The following CNTN5 variants were observed in gnomAD, a reference collection of about 807,000 sequenced individuals.
The protein encoded by CNTN5 is contactin-5.
In CNTN5, 77 loss-of-function variants were observed where a neutral mutation model predicts 129.1. The observed-to-expected ratio is 0.60, with a 90% CI of 0.50 to 0.72. The LOEUF is 0.72. Among genes scored for constraint, CNTN5 ranks in the 30% least tolerant of loss-of-function variants. CNTN5 has a pLI of 0.00. For synonymous variants in CNTN5, 509 were observed against 465.6 expected (o/e 1.09, Z -1.20); for missense variants, 1,478 against 1,328.8 (o/e 1.11, Z -1.75).
chr11:99,703,388 A>G (rs954340674), intron 3 of CNTN5, among the ~76,000 whole-genome samples: 1 of 150,634 alleles, frequency 6.6e-6, no homozygotes, highest in Non-Finnish European at 1.5e-5. Flanking sequence ...TTCCTGTCAA[A>G]TGATCTTTAT....
At chr11:99,887,780 C>T (rs1398002286) in intron 6 of CNTN5, among the ~76,000 whole-genome samples, 4 of 152,212 alleles carry the variant, frequency 2.6e-5, no homozygotes, top group Non-Finnish European at 5.9e-5. Flanking sequence ...AAAGATGAAA[C>T]TGAAAGACTA....
chr11:100,161,245 TA>T (rs973775409), intron 13 of CNTN5, among the ~76,000 whole-genome samples: 9 of 151,912 alleles, frequency 5.9e-5, no homozygotes, highest in African/African-American at 2.2e-4. Context: ...TGGTATTATC[TA>T]AACTGATGAA....
At chr11:99,955,297 A>G (rs1306387991) in intron 7 of CNTN5, among the ~76,000 whole-genome samples, 1 of 151,880 alleles carries the variant, frequency 6.6e-6, no homozygotes, top group Non-Finnish European at 1.5e-5. Context: ...GCTGTATAAG[A>G]ACAAGTTGAA....
intron 13 of CNTN5, among the ~76,000 whole-genome samples, chr11:100,166,341 T>C (rs1241299659): frequency 6.6e-6 from 1 of 151,728 alleles, no homozygotes; most frequent in Non-Finnish European, 1.5e-5. Flanking sequence ...GCCCCCGGCA[T>C]ATGAAAATGT....
chr11:100,240,655 T>C (rs1218706523), intron 16 of CNTN5, among the ~76,000 whole-genome samples: 1 of 152,186 alleles, frequency 6.6e-6, no homozygotes, highest in Non-Finnish European at 1.5e-5. Flanking sequence ...ATGAAACATG[T>C]CTTGTAGAAC....
intron 7 of CNTN5, among the ~76,000 whole-genome samples, chr11:99,922,088 G>A (rs1270509254): frequency 2.0e-5 from 3 of 152,148 alleles, no homozygotes; most frequent in Non-Finnish European, 2.9e-5. Flanking sequence ...TAAAGAAAAA[G>A]AGGTTTAATG....
intron 1 of CNTN5, among the ~76,000 whole-genome samples, chr11:99,181,957 C>A (rs915661184): frequency 6.6e-6 from 1 of 152,090 alleles, no homozygotes; most frequent in African/African-American, 2.4e-5. Context: ...TATAAAATGA[C>A]CTTTAACTCT....
At chr11:99,327,878 T>C (rs889697712) in intron 2 of CNTN5, among the ~76,000 whole-genome samples, 1 of 152,170 alleles carries the variant, frequency 6.6e-6, no homozygotes, top group Non-Finnish European at 1.5e-5. Context: ...CAATAACTTA[T>C]ACAACTCATC....
At chr11:99,632,505 A>G (rs1395823284) in intron 3 of CNTN5, among the ~76,000 whole-genome samples, 3 of 152,096 alleles carry the variant, frequency 2.0e-5, no homozygotes, top group Non-Finnish European at 2.9e-5. Flanking sequence ...GTGTCTTACT[A>G]GGGAGTCCTC....
At chr11:99,803,209 C>A (rs1263878338) in intron 3 of CNTN5, among the ~76,000 whole-genome samples, 1 of 151,836 alleles carries the variant, frequency 6.6e-6, no homozygotes, top group Non-Finnish European at 1.5e-5. Flanking sequence ...GTAGAGAGGG[C>A]CCTGCTGCAC....
At chr11:99,670,920 A>G (rs977194448) in intron 3 of CNTN5, among the ~76,000 whole-genome samples, 1 of 152,196 alleles carries the variant, frequency 6.6e-6, no homozygotes, top group African/African-American at 2.4e-5. Context: ...CCTGCCTGGC[A>G]TATAGTAGGC....
At position 100,233,018 on chromosome 11, in the gene CNTN5, G is replaced by A. The variant is rs182183569; in HGVS notation, c.2005+8206G>A. Reference sequence around the variant, plus strand: ...ATAAGGAAGTCATAGAGAGGTTTAAGAATGTCACTTAAACCTCTCTATGTT... The same window carrying A: ...ATAAGGAAGTCATAGAGAGGTTTAAAAATGTCACTTAAACCTCTCTATGTT... On this transcript the variant is annotated intron_variant, in intron 16 of 24. Coordinates refer to ENST00000524871, the MANE Select transcript of CNTN5 (RefSeq NM_014361.4). Among the ~76,000 whole-genome samples, 15 of 152,224 alleles carry A rather than the reference G, an allele frequency of 9.9e-5. No individual in the cohort carries two copies. The East Asian group carries it at 2.3e-3, about 24-fold the overall frequency.
chr11:99,674,386 C>T (rs1046260264), intron 3 of CNTN5, among the ~76,000 whole-genome samples: 2 of 151,872 alleles, frequency 1.3e-5, no homozygotes, highest in Non-Finnish European at 2.9e-5. Context: ...CAAAATTTTT[C>T]TCCCGTTATG....
At chr11:99,733,397 C>T (rs1333821046) in intron 3 of CNTN5, among the ~76,000 whole-genome samples, 1 of 121,444 alleles carries the variant, frequency 8.2e-6, no homozygotes, top group East Asian at 2.0e-4. Context: ...TCTCATTGCT[C>T]ATGATGTTTT....
At chr11:100,077,572 G>A (rs1944179829) in intron 13 of CNTN5, among the ~76,000 whole-genome samples, 1 of 152,070 alleles carries the variant, frequency 6.6e-6, no homozygotes, top group Non-Finnish European at 1.5e-5. Context: ...TATAATCCCA[G>A]CACTTTGGGG....
intron 9 of CNTN5, among the ~76,000 whole-genome samples, chr11:100,035,840 T>G (rs1283687825): frequency 2.6e-5 from 4 of 152,262 alleles, no homozygotes; most frequent in East Asian, 1.9e-4. Flanking sequence ...TAAATTTGTT[T>G]GAGTTCATTG....
At chr11:99,579,127 G>A (rs1949476215) in intron 3 of CNTN5, among the ~76,000 whole-genome samples, 1 of 152,136 alleles carries the variant, frequency 6.6e-6, no homozygotes. Context: ...GTTTGTCAAA[G>A]ATCAGATAGT....
At chr11:99,875,317 T>C (rs61911620) in intron 6 of CNTN5, among the ~76,000 whole-genome samples, 16,555 of 149,562 alleles carry the variant, frequency 0.11, 1,445 homozygotes, top group East Asian at 0.43. Flanking sequence ...TACGTTGGTA[T>C]GATTTTTATT....
chr11:99,633,931 G>A (rs1390283624), intron 3 of CNTN5, among the ~76,000 whole-genome samples: 2 of 152,116 alleles, frequency 1.3e-5, no homozygotes, highest in African/African-American at 4.8e-5. Context: ...GTGTGCCAGC[G>A]GGCTGCAGAT....
Sources: gnomAD v4.1 joint callset for allele counts (sites outside exome capture counted in the v4.1 genomes callset) on GRCh38, gnomAD v4.1.1 for gene constraint, MANE v1.5 for transcripts, NCBI Gene and HGNC (gene_info 2026-07-23, HGNC 2026-07-21) for gene names.